The following IQSEC1 variants were observed in gnomAD, a reference collection of about 807,000 sequenced individuals.
IQSEC1 encodes IQ motif and Sec7 domain ArfGEF 1.
A neutral mutation model predicts 91.0 loss-of-function variants in IQSEC1; 31 were observed. The observed-to-expected ratio is 0.34, with a 90% CI of 0.26 to 0.46. The LOEUF (loss-of-function observed/expected upper bound fraction) is 0.46, where lower values mean the gene tolerates loss of function less well. IQSEC1 is among the 20% of genes least tolerant of loss of function. The pLI is 1.00. For synonymous variants in IQSEC1, 699 were observed against 662.6 expected, an observed-to-expected ratio of 1.05 and a Z score of -0.84; for missense variants, 1,388 against 1,575.6, an observed-to-expected ratio of 0.88 and a Z score of 2.02.
intron 1 of IQSEC1, among the ~76,000 whole-genome samples, chr3:13,186,981 C>T (rs1693945105): frequency 6.6e-6 from 1 of 152,022 alleles, no homozygotes. Context: ...TCCCTCCCTC[C>T]TTCCTTCCTG....
Position 12,994,053 on chromosome 3 carries a change from G to T in IQSEC1, c.24-52188C>A, listed in dbSNP as rs1418691828. Among the ~76,000 whole-genome samples, 22 of 147,880 alleles carry T rather than the reference G, an allele frequency of 1.5e-4. No individual in the cohort carries two copies. The highest frequency in any genetic ancestry group is 1.5e-3 in the Admixed American group (22 of 14,882). Reference sequence around the variant, plus strand: ...GGCCCCGCACCGCACCGGTCGCCGGGCGCGTCCCCCGCCGGCCCGCCTCCT... The same window carrying T: ...GGCCCCGCACCGCACCGGTCGCCGGTCGCGTCCCCCGCCGGCCCGCCTCCT... On this transcript the variant is annotated intron_variant, in intron 1 of 13. Coordinates refer to ENST00000613206, the MANE Select transcript of IQSEC1 (RefSeq NM_001134382.3). This position sits in a 1 kb window ranked among gnomAD's most constrained non-coding sequence, Gnocchi z 4.5.
chr3:13,017,992 A>G (rs1433001611), intron 1 of IQSEC1, among the ~76,000 whole-genome samples: 1 of 152,142 alleles, frequency 6.6e-6, no homozygotes, highest in Non-Finnish European at 1.5e-5. Flanking sequence ...CCCCTTCCTC[A>G]GCCTCAGGGA....
At chr3:13,164,658 G>A (rs561789118) in intron 1 of IQSEC1, among the ~76,000 whole-genome samples, 2 of 152,218 alleles carry the variant, frequency 1.3e-5, no homozygotes, top group Non-Finnish European at 2.9e-5. Flanking sequence ...AACCTTGAAT[G>A]TCAAGAAATT....
chr3:13,070,255 C>T (rs960576341), intron 1 of IQSEC1, among the ~76,000 whole-genome samples: 1 of 152,192 alleles, frequency 6.6e-6, no homozygotes, highest in African/African-American at 2.4e-5. Context: ...GCTGTGTGAC[C>T]CCAGTCAAGT....
rs149676416 is a variant in IQSEC1, at chr3:13,270,960, G to A, written c.272+11751C>T. Among the ~76,000 whole-genome samples, 277 of 152,188 alleles carry A rather than the reference G, an allele frequency of 1.8e-3. 3 individuals are homozygous for A. Among genetic ancestry groups the A allele is most frequent in the African/African-American group, 6.1e-3 (255 of 41,514 alleles). On this transcript the variant is annotated intron_variant, in intron 1 of 15. Transcript: ENST00000648114. Reference sequence around the variant, plus strand: ...AAAGGATGGAAAAAGATATACAAATGGTAACCAAAATGAGTTAAAGTAGCT... The same window carrying A: ...AAAGGATGGAAAAAGATATACAAATAGTAACCAAAATGAGTTAAAGTAGCT...
At chr3:12,925,344 A>T (rs779757379) in intron 3 of IQSEC1, among the ~76,000 whole-genome samples, 1 of 152,184 alleles carries the variant, frequency 6.6e-6, no homozygotes, top group Non-Finnish European at 1.5e-5. Context: ...CCCTGTGCAC[A>T]CTAATTCACT....
At chr3:13,235,866 T>C (rs565412785) in intron 1 of IQSEC1, among the ~76,000 whole-genome samples, 1 of 152,290 alleles carries the variant, frequency 6.6e-6, no homozygotes, top group East Asian at 1.9e-4. Flanking sequence ...CCTGTTCTTA[T>C]GCCGCCCCGT....
chr3:13,094,935 A>T (rs954072813), intron 2 of IQSEC1, among the ~76,000 whole-genome samples: 3 of 152,144 alleles, frequency 2.0e-5, no homozygotes, highest in African/African-American at 2.4e-5. Context: ...CCACACGCTG[A>T]GAGAGGAGCC....
At chr3:13,043,423 C>T (rs1157559826) in intron 1 of IQSEC1, among the ~76,000 whole-genome samples, 1 of 152,170 alleles carries the variant, frequency 6.6e-6, no homozygotes, top group Non-Finnish European at 1.5e-5. Context: ...ACAGTAGCCA[C>T]CCTCACCCCC....
chr3:12,967,773 G>GCGGGGC lies in IQSEC1; in HGVS notation c.24-25914_24-25909dup. 1 of 906,674 alleles carries GCGGGGC rather than the reference G, an allele frequency of 1.1e-6. No individual in the cohort carries two copies. Among genetic ancestry groups the GCGGGGC allele is most frequent in the Non-Finnish European group, 1.3e-6 (1 of 749,636 alleles). 56.2% of individuals were successfully genotyped at this position (906,674 alleles called of 1,614,324 possible). On this transcript the variant is annotated intron_variant, in intron 1 of 13. Transcript: ENST00000613206. This position sits in a 1 kb window ranked among gnomAD's most constrained non-coding sequence, Gnocchi z 5.9. ...GGCGGGGCCGGAGGGCGAGCTGGGGGCGGGGCCGGAGGGCGAGCTGGGGGC... is the reference window on the plus strand; with the variant it reads ...GGCGGGGCCGGAGGGCGAGCTGGGGGCGGGGCCGGGGCCGGAGGGCGAGCTGGGGGC...
intron 1 of IQSEC1, among the ~76,000 whole-genome samples, chr3:12,956,228 T>C (rs1655510150): frequency 6.6e-6 from 1 of 152,196 alleles, no homozygotes; most frequent in Non-Finnish European, 1.5e-5. Context: ...TTCCTGCCTA[T>C]TGACGGCATC....
At chr3:13,247,668 GC>G (rs1695130734) in intron 1 of IQSEC1, among the ~76,000 whole-genome samples, 1 of 152,198 alleles carries the variant, frequency 6.6e-6, no homozygotes, top group Non-Finnish European at 1.5e-5. Context: ...CATCACATCA[GC>G]CGCCTTCTCA....
intron 1 of IQSEC1, among the ~76,000 whole-genome samples, chr3:13,266,119 GCACTGTTCTTGAACC>G (rs1194584966): frequency 3.3e-5 from 5 of 152,054 alleles, no homozygotes; most frequent in African/African-American, 1.2e-4. Flanking sequence ...TCTGAGGGAG[GCACTGTTCTTGAACC>G]CATTTTCCAT....
At chr3:13,003,303 A>G (rs1702504358) in intron 1 of IQSEC1, among the ~76,000 whole-genome samples, 1 of 141,006 alleles carries the variant, frequency 7.1e-6, no homozygotes, top group South Asian at 2.6e-4. Context: ...AAAAAAAGGA[A>G]TGAAGTACTG....
At chr3:12,947,321 G>A (rs140850277) in intron 1 of IQSEC1, among the ~76,000 whole-genome samples, 184 of 152,268 alleles carry the variant, frequency 1.2e-3, no homozygotes, top group Non-Finnish European at 2.2e-3. Context: ...TCAGACACCC[G>A]TCAGAGAGGT....
chr3:13,187,687 T>G (rs1031260655), intron 1 of IQSEC1, among the ~76,000 whole-genome samples: 1 of 152,168 alleles, frequency 6.6e-6, no homozygotes, highest in Non-Finnish European at 1.5e-5. Context: ...CTGACTATCT[T>G]AGTCCATTCA....
rs146890947 is a variant in IQSEC1 at position 12,932,187 on chromosome 3, C to T, written c.1568+3261G>A. 3.9e-5 allele frequency among the ~76,000 whole-genome samples: 6 copies of T among 152,286 alleles called. No individual in the cohort carries two copies. The East Asian group carries it at 9.7e-4, about 25-fold the overall frequency. On this transcript the variant is annotated intron_variant, in intron 3 of 13. Transcript: ENST00000613206. The stretch of plus-strand genomic sequence containing the variant: ...GAGACGCTGGGGTGGGGTTCCAATG[C>T]GGAGGTGACAGACTCAGTGAGGTCC...
intron 1 of IQSEC1, among the ~76,000 whole-genome samples, chr3:13,170,077 G>T (rs1693579172): frequency 1.3e-5 from 2 of 152,336 alleles, no homozygotes; most frequent in South Asian, 4.1e-4. Flanking sequence ...AGGCCTAGGA[G>T]AAACAAATGG....
upstream of IQSEC1, among the ~76,000 whole-genome samples, chr3:13,075,604 G>A (rs143030267): frequency 5.4e-4 from 82 of 152,278 alleles, no homozygotes; most frequent in African/African-American, 1.9e-3. Context: ...TCTTATAAAC[G>A]TACTCTCCTT....
Sources: allele counts gnomAD v4.1 joint callset (sites outside exome capture counted in the v4.1 genomes callset), GRCh38; gene constraint gnomAD v4.1.1; non-coding constraint Gnocchi (gnomAD v3.1); transcripts MANE v1.5; gene names NCBI Gene and HGNC (gene_info 2026-07-23, HGNC 2026-07-21).